The following BTBD1 variants were observed in gnomAD, a reference collection of about 807,000 sequenced individuals.
BTBD1 encodes BTB/POZ domain-containing protein 1.
BTBD1 carries 34 observed loss-of-function variants against 48.0 expected under a neutral mutation model. That is an observed-to-expected ratio of 0.71 (90% CI 0.54 to 0.94). The LOEUF is 0.94. BTBD1 is among the 40% of genes least tolerant of loss of function. The pLI, the probability that BTBD1 is intolerant of heterozygous loss-of-function variation, is 0.00. For missense variants in BTBD1, 543 were observed against 625.6 expected (o/e 0.87, Z 1.41); for synonymous variants, 261 against 242.1 (o/e 1.08, Z -0.72).
In BTBD1 at chr15:83,060,264, TAG is replaced by T. The variant is rs761283114; in HGVS notation, c.402-3721_402-3720del. ...TTTCCTTTACATTCTATTTAATTAT[TAG>T]AGTTTTTATAATATTTAAAAAAAAA... On this transcript the variant is annotated intron_variant, in intron 1 of 7. Transcript: ENST00000261721. 5.9e-5 allele frequency among the ~76,000 whole-genome samples: 9 copies of T among 151,838 alleles called. No individual in the cohort carries two copies. The East Asian group carries it at 1.2e-3, about 20-fold the overall frequency.
At position 83,050,100 on chromosome 15, in the gene BTBD1, C is replaced by T. The variant is rs766708841; in HGVS notation, c.637G>A (p.Ala213Thr). 1 of 1,612,516 alleles carries T rather than the reference C, an allele frequency of 6.2e-7. No individual in the cohort carries two copies. The highest frequency in any genetic ancestry group is 2.2e-5 in the East Asian group (1 of 44,780). Residue 213 changes from alanine (A) to threonine (T), a missense_variant, in exon 3 of 8, where the codon GCA (alanine) becomes ACA (threonine). Around this residue, in one of 3 missense-constraint regions of BTBD1, gnomAD observed 300 missense variants for 350.0 expected, o/e 0.86. Transcript: ENST00000261721. ...ATATCAATATCAGTAAACCCTTCTGCACTTATTGCATCCATTGTGCTTTTG... is the reference window on the plus strand; with the variant it reads ...ATATCAATATCAGTAAACCCTTCTGTACTTATTGCATCCATTGTGCTTTTG... ...IDKSTMDAIS[A>T]EGFTDIDIDT...
intron 2 of BTBD1, among the ~76,000 whole-genome samples, chr15:83,054,000 C>T (rs951471241): frequency 2.6e-5 from 4 of 152,136 alleles, no homozygotes; most frequent in East Asian, 3.8e-4. Context: ...TGTAATAAGA[C>T]GTTAACTTCT....
intron 5 of BTBD1, among the ~76,000 whole-genome samples, chr15:83,026,969 CGTGTGTGTGTGTGT>C (rs71156067): frequency 6.7e-6 from 1 of 150,162 alleles, no homozygotes; most frequent in Non-Finnish European, 1.5e-5. Context: ...AGGGGAAATA[CGTGTGTGTGTGTGT>C]GTGTGTGTGT....
chr15:83,060,057 A>G (rs1301575383), intron 1 of BTBD1, among the ~76,000 whole-genome samples: 1 of 152,150 alleles, frequency 6.6e-6, no homozygotes, highest in African/African-American at 2.4e-5. Context: ...TATATTTTTA[A>G]TTTATTTCTT....
intron 3 of BTBD1, chr15:83,044,400 G>C: frequency 6.4e-7 from 1 of 1,558,798 alleles, no homozygotes; most frequent in Non-Finnish European, 8.7e-7. Context: ...GAGGAAGATG[G>C]CGCCTGGTGG....
intron 6 of BTBD1, among the ~76,000 whole-genome samples, chr15:83,019,521 A>C (rs1684993016): frequency 6.6e-6 from 1 of 151,132 alleles, no homozygotes; most frequent in African/African-American, 2.4e-5. Context: ...CAGTATTTAT[A>C]CTTCATAATT....
intron 2 of BTBD1, among the ~76,000 whole-genome samples, chr15:83,055,761 G>T (rs1334183276): frequency 6.6e-6 from 1 of 152,078 alleles, no homozygotes; most frequent in African/African-American, 2.4e-5. Context: ...AGCAAAATTT[G>T]AGAACAAAGA....
intron 1 of BTBD1, among the ~76,000 whole-genome samples, chr15:83,064,817 G>T (rs993470173): frequency 1.5e-4 from 23 of 152,022 alleles, no homozygotes; most frequent in African/African-American, 5.6e-4. Flanking sequence ...AATCCTCCTG[G>T]TGAACTTTAA....
At chr15:83,032,984 A>AAAAAAAAAAAT in intron 4 of BTBD1, among the ~76,000 whole-genome samples, 1 of 151,532 alleles carries the variant, frequency 6.6e-6, no homozygotes, top group African/African-American at 2.4e-5. Flanking sequence ...AAAAAAAAAA[A>AAAAAAAAAAAT]AAAACAGAAT....
At chr15:83,050,568 C>T (rs1261060926) in intron 2 of BTBD1, among the ~76,000 whole-genome samples, 1 of 152,036 alleles carries the variant, frequency 6.6e-6, no homozygotes, top group Admixed American at 6.6e-5. Flanking sequence ...TGGAGAGGTA[C>T]AGTGACTTGC....
At chr15:83,065,422 T>C (rs1318724236) in intron 1 of BTBD1, among the ~76,000 whole-genome samples, 2 of 152,250 alleles carry the variant, frequency 1.3e-5, no homozygotes, top group South Asian at 2.1e-4. Flanking sequence ...AAGTTATCTA[T>C]CCTGTCCTTT....
intron 1 of BTBD1, 57 bp from the exon 2 acceptor site, chr15:83,056,602 C>A (rs1331689163): frequency 3.5e-6 from 5 of 1,427,152 alleles, no homozygotes; most frequent in Non-Finnish European, 4.9e-6. Flanking sequence ...GATAAGCAAT[C>A]CATCACAGTT....
In BTBD1 at chr15:83,066,794, C is replaced by G; in HGVS notation, c.358G>C (p.Glu120Gln). 1 of 1,438,792 alleles carries G rather than the reference C, an allele frequency of 7.0e-7. No individual in the cohort carries two copies. Among genetic ancestry groups the G allele is most frequent in the Non-Finnish European group, 9.1e-7 (1 of 1,099,680 alleles). 89.1% of individuals were successfully genotyped at this position (1,438,792 alleles called of 1,614,324 possible). A position where few individuals can be genotyped will look rare whatever the true frequency, so the allele number is the denominator to read the frequency against. Reference protein sequence around the residue: ...GGMATTSAEIELPDVEPAAFL... With the variant: ...GGMATTSAEIQLPDVEPAAFL... ...GCTGCGGGCTCCACGTCCGGCAGCT[C>G]GATCTCGGCCGACGTGGTGGCCATG... Residue 120 changes from glutamate (E) to glutamine (Q), a missense_variant, in exon 1 of 8, where the codon GAG becomes CAG. By Grantham distance (29) the Glu-to-Gln change is conservative (BLOSUM62 2). Around this residue, in one of 3 missense-constraint regions of BTBD1, gnomAD observed 70 missense variants for 111.7 expected, o/e 0.63. Transcript: ENST00000261721.
intron 2 of BTBD1, among the ~76,000 whole-genome samples, chr15:83,051,217 ATTATGTTGGC>A (rs2032975088): frequency 6.6e-6 from 1 of 152,144 alleles, no homozygotes; most frequent in Non-Finnish European, 1.5e-5. Context: ...GCCCAAAGGT[ATTATGTTGGC>A]TTGGGCAGAA....
intron 1 of BTBD1, among the ~76,000 whole-genome samples, chr15:83,062,967 G>T (rs563375520): frequency 6.6e-6 from 1 of 152,074 alleles, no homozygotes; most frequent in South Asian, 2.1e-4. Context: ...CAGGGTTATC[G>T]ATAGCTTCCA....
chr15:83,039,405 C>T (rs1596434590), intron 4 of BTBD1, among the ~76,000 whole-genome samples: 1 of 152,036 alleles, frequency 6.6e-6, no homozygotes, highest in Non-Finnish European at 1.5e-5. Context: ...AAAGGGAATT[C>T]GTGTTCACTG....
At chr15:83,021,858 C>G (rs564334550) in intron 5 of BTBD1, among the ~76,000 whole-genome samples, 11 of 152,014 alleles carry the variant, frequency 7.2e-5, no homozygotes, top group Non-Finnish European at 1.6e-4. Flanking sequence ...ACATTGTCAG[C>G]AACACCTTCA....
chr15:83,066,147 A>T (rs2033265127), intron 1 of BTBD1, among the ~76,000 whole-genome samples: 1 of 151,960 alleles, frequency 6.6e-6, no homozygotes, highest in South Asian at 2.1e-4. Flanking sequence ...AAAATAAAAA[A>T]AATTAGCCGG....
chr15:83,051,903 C>CACACACACACAT (rs1405843210), intron 2 of BTBD1, among the ~76,000 whole-genome samples: 2 of 151,304 alleles, frequency 1.3e-5, no homozygotes, highest in East Asian at 3.9e-4. Context: ...CACACACACA[C>CACACACACACAT]ATCTATCTGG....
Sources: allele counts gnomAD v4.1 joint callset (sites outside exome capture counted in the v4.1 genomes callset), GRCh38; gene constraint gnomAD v4.1.1; regional missense constraint gnomAD v4.1.1; transcripts MANE v1.5; gene names NCBI Gene and HGNC (gene_info 2026-07-23, HGNC 2026-07-21).